Variants in WAPL observed in about 807,000 individuals in gnomAD.
WAPL encodes wings apart-like protein homolog.
A neutral mutation model predicts 121.0 loss-of-function variants in WAPL; 5 were observed. The ratio of observed to expected loss-of-function variants is 0.04; its 90% confidence interval spans 0.02 to 0.09. The LOEUF (loss-of-function observed/expected upper bound fraction) is 0.09. Ranked by LOEUF, WAPL falls within the 10% of genes least tolerant of loss-of-function variation. The pLI is 1.00. For synonymous variants in WAPL, 480 were observed against 481.5 expected, an observed-to-expected ratio of 1.00 and a Z score of 0.04; for missense variants, 999 against 1,410.8, an observed-to-expected ratio of 0.71 and a Z score of 4.68.
At chr10:86,476,449 G>C (rs1231073017) in intron 4 of WAPL, among the ~76,000 whole-genome samples, 1 of 152,060 alleles carries the variant, frequency 6.6e-6, no homozygotes, top group African/African-American at 2.4e-5. Context: ...AGCACTTTGG[G>C]AGGCCAAGGC....
intron 4 of WAPL, among the ~76,000 whole-genome samples, chr10:86,474,246 G>A (rs1482018220): frequency 2.0e-5 from 3 of 152,178 alleles, no homozygotes; most frequent in Non-Finnish European, 4.4e-5. Context: ...AGACATGGTG[G>A]CTCACACCTG....
chr10:86,459,871 T>G (rs1367846323), intron 11 of WAPL, among the ~76,000 whole-genome samples: 1 of 152,210 alleles, frequency 6.6e-6, no homozygotes, highest in African/African-American at 2.4e-5. Context: ...CCCAATACTT[T>G]GGGAGGCTGA....
rs374902894 is a variant in WAPL at position 86,453,851 on chromosome 10, T to G, written c.2658-20A>C. 4.7e-6 allele frequency: 7 copies of G among 1,500,978 alleles called. No homozygotes were observed. The highest frequency in any genetic ancestry group is 6.2e-6 in the Non-Finnish European group (7 of 1,121,568). The allele number at this position is 1,500,978 out of a possible 1,614,324, so 93.0% of individuals were successfully genotyped here. A position where few individuals can be genotyped will look rare whatever the true frequency, so the allele number is the denominator to read the frequency against. Reference sequence around the variant, plus strand: ...AATGCTCTTAAAAGGAAATAAAATATAGACTATTATAGTAAATAATAATAG... The same window carrying G: ...AATGCTCTTAAAAGGAAATAAAATAGAGACTATTATAGTAAATAATAATAG... On this transcript the variant is annotated intron_variant, in intron 12 of 18. Transcript: ENST00000298767.
At chr10:86,504,693 G>C (rs76357562) in intron 2 of WAPL, among the ~76,000 whole-genome samples, 1 of 151,590 alleles carries the variant, frequency 6.6e-6, no homozygotes, top group South Asian at 2.1e-4. Flanking sequence ...ATAGCAGTAC[G>C]TGCTTATAGT....
intron 17 of WAPL, among the ~76,000 whole-genome samples, chr10:86,442,456 T>C (rs1439732301): frequency 6.6e-6 from 1 of 152,240 alleles, no homozygotes; most frequent in Admixed American, 6.5e-5. Context: ...ATGTAATTCT[T>C]CCTTTTTCAT....
chr10:86,450,718 A>G (rs2132171474), intron 15 of WAPL, among the ~76,000 whole-genome samples: 1 of 152,320 alleles, frequency 6.6e-6, no homozygotes, highest in East Asian at 1.9e-4. Flanking sequence ...ACTGTTACTG[A>G]TAAGTAATGA....
Position 86,443,366 on chromosome 10 carries a change from G to T in WAPL, c.3323-3C>A. Reference sequence around the variant, plus strand: ...GTGTTTGCCGGCATGCTGAAGGGCTGAGAGAATTGAAGTAAAGAATTGTAA... The same window carrying T: ...GTGTTTGCCGGCATGCTGAAGGGCTTAGAGAATTGAAGTAAAGAATTGTAA... On this transcript the variant is annotated splice_polypyrimidine_tract_variant and splice_region_variant and intron_variant, in intron 16 of 18. Coordinates refer to ENST00000298767, the MANE Select transcript of WAPL (RefSeq NM_015045.5). 2 of 1,613,736 alleles carry T rather than the reference G, an allele frequency of 1.2e-6. No individual in the cohort carries two copies. The highest frequency in any genetic ancestry group is 8.5e-7 in the Non-Finnish European group (1 of 1,179,740).
At chr10:86,458,521 T>G (rs544404067) in intron 12 of WAPL, among the ~76,000 whole-genome samples, 3 of 152,354 alleles carry the variant, frequency 2.0e-5, no homozygotes, top group East Asian at 3.9e-4. Flanking sequence ...CCAAGTACTG[T>G]TCTAGGCTTT....
At chr10:86,438,253 C>CT (rs11402864) in intron 17 of WAPL, among the ~76,000 whole-genome samples, 92,235 of 138,484 alleles carry the variant, frequency 0.67, 30,893 homozygotes, top group Non-Finnish European at 0.72. Context: ...TACACATTTA[C>CT]TTTTTTTTTT....
chr10:86,511,325 C>G (rs1189715298), intron 2 of WAPL, among the ~76,000 whole-genome samples: 1 of 152,160 alleles, frequency 6.6e-6, no homozygotes, highest in Non-Finnish European at 1.5e-5. Flanking sequence ...CAGAAAATTA[C>G]TTGAACAGAG....
intron 15 of WAPL, among the ~76,000 whole-genome samples, chr10:86,447,076 G>A (rs537128194): frequency 6.6e-6 from 1 of 152,310 alleles, no homozygotes; most frequent in East Asian, 1.9e-4. Flanking sequence ...GGGAGTAAAG[G>A]AGGTCAAAAT....
rs536540369 is a variant in WAPL at position 86,435,305 on chromosome 10, CAA to C, written c.*2236_*2237del. ...TGAGTTAAAATTATTTACAAAAACC[CAA>C]AGACATACTTCATGAAACTGGTACA... On this transcript the variant is annotated 3_prime_UTR_variant, in exon 19 of 19. Transcript: ENST00000298767. The C allele has an allele frequency of 6.6e-5, 10 of 152,500 alleles. No homozygotes were observed. Among genetic ancestry groups the C allele is most frequent in the African/African-American group, 2.2e-4 (9 of 41,408 alleles). The allele number at this position is 152,500 out of a possible 1,614,324, so 9.4% of individuals were successfully genotyped here.
At chr10:86,488,907 G>A (rs1371083831) in intron 4 of WAPL, among the ~76,000 whole-genome samples, 1 of 152,134 alleles carries the variant, frequency 6.6e-6, no homozygotes. Context: ...AAAACTAGGG[G>A]GTGAAGTCTA....
At chr10:86,516,476 A>C (rs150274061) in intron 2 of WAPL, among the ~76,000 whole-genome samples, 25 of 152,312 alleles carry the variant, frequency 1.6e-4, no homozygotes, top group Non-Finnish European at 2.9e-4. Flanking sequence ...TTCCTTTCAA[A>C]ATAGGAGATT....
At chr10:86,493,736 T>C (rs546192775) in intron 4 of WAPL, among the ~76,000 whole-genome samples, 3 of 151,458 alleles carry the variant, frequency 2.0e-5, no homozygotes, top group South Asian at 4.2e-4. Flanking sequence ...GCACATTGGC[T>C]CACGCCTGTA....
chr10:86,514,656 T>C (rs1842522573), intron 2 of WAPL, among the ~76,000 whole-genome samples: 2 of 152,162 alleles, frequency 1.3e-5, no homozygotes, highest in Non-Finnish European at 2.9e-5. Context: ...GAAGCAATTA[T>C]CCCACTTAGC....
At position 86,472,170 on chromosome 10, in the gene WAPL, C is replaced by T; in HGVS notation, c.2030+38G>A. On this transcript the variant is annotated intron_variant, in intron 7 of 18. Coordinates refer to ENST00000298767, the MANE Select transcript of WAPL (RefSeq NM_015045.5). The surrounding 1 kb of genome is among the most constrained non-coding windows in gnomAD (Gnocchi z 4.2). Reference sequence around the variant, plus strand: ...ACCTAGTTGAAAAAATTTAATACAGCATGCACATAATTGTAAAATATAAAA... The same window carrying T: ...ACCTAGTTGAAAAAATTTAATACAGTATGCACATAATTGTAAAATATAAAA... 1 of 1,515,882 alleles carries T rather than the reference C, an allele frequency of 6.6e-7. No homozygotes were observed. Among genetic ancestry groups the T allele is most frequent in the Non-Finnish European group, 8.8e-7 (1 of 1,139,372 alleles). 93.9% of individuals were successfully genotyped at this position (1,515,882 alleles called of 1,614,324 possible). A position where few individuals can be genotyped will look rare whatever the true frequency, so the allele number is the denominator to read the frequency against.
At chr10:86,452,156 A>G (rs1840997491) in intron 14 of WAPL, 25 bp from the exon 15 acceptor site, 1 of 1,605,180 alleles carries the variant, frequency 6.2e-7, no homozygotes, top group Non-Finnish European at 8.5e-7. Context: ...AAAGACACAT[A>G]TTATCAGAGA....
chr10:86,482,688 C>T (rs989269268), intron 4 of WAPL, among the ~76,000 whole-genome samples: 3 of 152,062 alleles, frequency 2.0e-5, no homozygotes, highest in African/African-American at 4.8e-5. Flanking sequence ...GCTCTACTAG[C>T]CAAATCAGGA....
Sources: allele counts gnomAD v4.1 joint callset (sites outside exome capture counted in the v4.1 genomes callset), GRCh38; gene constraint gnomAD v4.1.1; non-coding constraint Gnocchi (gnomAD v3.1); transcripts MANE v1.5; gene names NCBI Gene and HGNC (gene_info 2026-07-23, HGNC 2026-07-21).